The following PRKCE variants were observed in gnomAD, a reference collection of about 807,000 sequenced individuals.
The protein encoded by PRKCE is protein kinase C epsilon.
Under a neutral mutation model 85.4 loss-of-function variants are expected in PRKCE, and 16 were observed. The observed-to-expected ratio is 0.19, with a 90% confidence interval of 0.13 to 0.28. PRKCE has a LOEUF of 0.28. PRKCE is among the 10% of genes least tolerant of loss of function. PRKCE has a pLI of 1.00. For synonymous variants in PRKCE, 388 were observed against 371.5 expected, an observed-to-expected ratio of 1.04 and a Z score of -0.51; for missense variants, 573 against 975.2, an observed-to-expected ratio of 0.59 and a Z score of 5.49.
At position 46,184,434 on chromosome 2, in the gene PRKCE, A is replaced by AATACAC. The variant is rs376018834; in HGVS notation, c.2068-300_2068-299insTACACA. On this transcript the variant is annotated intron_variant, in intron 14 of 14. Transcript: ENST00000306156. This position sits in a 1 kb window ranked among gnomAD's most constrained non-coding sequence, Gnocchi z 5.0. ...GGGACCTTTGCATCATACACACACAAACACACACACACACACACACACACA... is the reference window on the plus strand; with the variant it reads ...GGGACCTTTGCATCATACACACACAAATACACACACACACACACACACACACACACA... Among the ~76,000 whole-genome samples the AATACAC allele has an allele frequency of 4.7e-5, 7 of 149,096 alleles. No individual in the cohort carries two copies. The highest frequency in any genetic ancestry group is 1.0e-4 in the Non-Finnish European group (7 of 67,228).
chr2:45,819,317 C>T (rs1689331192), intron 1 of PRKCE, among the ~76,000 whole-genome samples: 1 of 152,248 alleles, frequency 6.6e-6, no homozygotes, highest in South Asian at 2.1e-4. Context: ...CCCAGGCAGT[C>T]TGGCTCCCAA....
intron 5 of PRKCE, among the ~76,000 whole-genome samples, chr2:45,981,797 C>G (rs1286731571): frequency 6.6e-6 from 1 of 152,180 alleles, no homozygotes; most frequent in Admixed American, 6.5e-5. Flanking sequence ...CCCATGGAAA[C>G]AAAGAGGAGT....
At chr2:46,040,777 CT>C (rs1246545952) in intron 10 of PRKCE, among the ~76,000 whole-genome samples, 1 of 152,248 alleles carries the variant, frequency 6.6e-6, no homozygotes, top group Non-Finnish European at 1.5e-5. Flanking sequence ...TAGTAACAAT[CT>C]GAGCAGGCAG....
chr2:46,001,395 T>A lies in PRKCE; in HGVS notation c.824-9T>A, dbSNP rs758877082. ...CACTTATCTGTCTTTTCTCCATGTC[T>A]CCTTACAGTCTGCAAAATGAATGTT... On this transcript the variant is annotated splice_polypyrimidine_tract_variant and intron_variant, in intron 6 of 14. Coordinates refer to ENST00000306156, the MANE Select transcript of PRKCE (RefSeq NM_005400.3). The surrounding 1 kb of genome is among the most constrained non-coding windows in gnomAD (Gnocchi z 4.4). The A allele has an allele frequency of 1.9e-6, 3 of 1,597,440 alleles. No homozygotes were observed. Among genetic ancestry groups the A allele is most frequent in the Admixed American group, 3.3e-5 (2 of 59,760 alleles).
At chr2:45,715,208 A>G (rs1679989396) in intron 1 of PRKCE, among the ~76,000 whole-genome samples, 1 of 152,260 alleles carries the variant, frequency 6.6e-6, no homozygotes, top group Non-Finnish European at 1.5e-5. Context: ...CGCAGGAAGC[A>G]GAGGAGTGCC....
intron 2 of PRKCE, chr2:45,845,702 T>C (rs1488791292): frequency 2.0e-5 from 3 of 152,238 alleles, no homozygotes; most frequent in East Asian, 1.9e-4. Flanking sequence ...CGTTTACGTC[T>C]GCTGGAGCTG....
intron 2 of PRKCE, among the ~76,000 whole-genome samples, chr2:45,868,975 A>T (rs1693857384): frequency 6.7e-6 from 1 of 149,588 alleles, no homozygotes. Flanking sequence ...AAAAAAAAAG[A>T]AAAAAGAAAG....
At chr2:46,095,372 G>C (rs1264445638) in intron 11 of PRKCE, among the ~76,000 whole-genome samples, 1 of 152,270 alleles carries the variant, frequency 6.6e-6, no homozygotes, top group Admixed American at 6.5e-5. Flanking sequence ...CCTGTGTTCA[G>C]TACTATACCC....
At chr2:45,839,844 C>T (rs1691203491) in intron 1 of PRKCE, among the ~76,000 whole-genome samples, 1 of 152,236 alleles carries the variant, frequency 6.6e-6, no homozygotes, top group Non-Finnish European at 1.5e-5. Flanking sequence ...GCCATCTGCT[C>T]ATGCTGCAAA....
intron 2 of PRKCE, among the ~76,000 whole-genome samples, chr2:45,894,921 CCATGTTGGCCAGGCTGGTCT>C (rs2103645149): frequency 6.6e-6 from 1 of 152,298 alleles, no homozygotes; most frequent in East Asian, 1.9e-4. Context: ...CAGGGTTTTG[CCATGTTGGCCAGGCTGGTCT>C]CAAACTCCTG....
At chr2:46,094,029 A>G (rs544831789) in intron 11 of PRKCE, among the ~76,000 whole-genome samples, 6 of 152,302 alleles carry the variant, frequency 3.9e-5, no homozygotes, top group Admixed American at 3.9e-4. Context: ...TATTGATTCA[A>G]CCACAAACTC....
At chr2:45,784,142 A>G (rs573294261) in intron 1 of PRKCE, among the ~76,000 whole-genome samples, 2 of 152,384 alleles carry the variant, frequency 1.3e-5, no homozygotes, top group African/African-American at 4.8e-5. Context: ...AAAAGTAGCA[A>G]TGCAAAGCAA....
intron 1 of PRKCE, among the ~76,000 whole-genome samples, chr2:45,700,286 A>G (rs1240142521): frequency 6.6e-6 from 1 of 151,556 alleles, no homozygotes; most frequent in Non-Finnish European, 1.5e-5. Context: ...CTATGAAGTA[A>G]CCCCCAAAGA....
intron 10 of PRKCE, among the ~76,000 whole-genome samples, chr2:46,030,302 G>A (rs1359843629): frequency 6.6e-6 from 1 of 152,196 alleles, no homozygotes; most frequent in Middle Eastern, 3.2e-3. Context: ...TACAACAGAT[G>A]TGAACCTCCT....
chr2:45,961,357 A>G (rs763735186), intron 2 of PRKCE, among the ~76,000 whole-genome samples: 5 of 152,224 alleles, frequency 3.3e-5, no homozygotes, highest in Admixed American at 6.5e-5. Context: ...ATCTACTGCT[A>G]TATAACAAGT....
intron 11 of PRKCE, among the ~76,000 whole-genome samples, chr2:46,112,367 C>G (rs1672341327): frequency 6.6e-6 from 1 of 151,930 alleles, no homozygotes; most frequent in South Asian, 2.1e-4. Flanking sequence ...GCTTGTTTTG[C>G]TTATTTGTTT....
chr2:46,005,629 A>C (rs1251424409), intron 8 of PRKCE, among the ~76,000 whole-genome samples: 4 of 152,116 alleles, frequency 2.6e-5, no homozygotes, highest in Non-Finnish European at 5.9e-5. Flanking sequence ...ACACTCTCAG[A>C]AACCCTGCCA....
intron 2 of PRKCE, among the ~76,000 whole-genome samples, chr2:45,928,821 T>G (rs1370530110): frequency 6.6e-6 from 1 of 152,170 alleles, no homozygotes; most frequent in Non-Finnish European, 1.5e-5. Flanking sequence ...ATATAATGCA[T>G]GCACATAATC....
At chr2:45,733,721 C>A (rs13004705) in intron 1 of PRKCE, among the ~76,000 whole-genome samples, 64,868 of 151,944 alleles carry the variant, frequency 0.43, 14,077 homozygotes, top group African/African-American at 0.49. Flanking sequence ...TTCTACGCAG[C>A]TAAGAGTCTC....
Sources: gnomAD v4.1 joint callset for allele counts (sites outside exome capture counted in the v4.1 genomes callset) on GRCh38, gnomAD v4.1.1 for gene constraint, Gnocchi (gnomAD v3.1) non-coding constraint, MANE v1.5 for transcripts, NCBI Gene and HGNC (gene_info 2026-07-23, HGNC 2026-07-21) for gene names.